The following PPDPFL variants were observed in gnomAD, a reference collection of about 807,000 sequenced individuals.
PPDPFL encodes pancreatic progenitor cell differentiation and proliferation factor like, also known as pancreatic progenitor cell differentiation and proliferation factor-like protein.
In PPDPFL, 12 loss-of-function variants were observed where a neutral mutation model predicts 12.6. That is an observed-to-expected ratio of 0.95 (90% CI 0.61 to 1.54). PPDPFL has a LOEUF of 1.54. PPDPFL is among the 40% of genes most tolerant of loss of function. PPDPFL has a pLI of 0.00. For missense variants in PPDPFL, 114 were observed against 96.0 expected (o/e 1.19, Z -0.78); for synonymous variants, 24 against 32.7 (o/e 0.73, Z 0.91).
At chr8:49,071,986 G>A (rs1217231465), upstream of PPDPFL, among the ~76,000 whole-genome samples, 1 of 152,204 alleles carries the variant, frequency 6.6e-6, no homozygotes, top group Non-Finnish European at 1.5e-5. Context: ...CAGATAGCAG[G>A]CTGCTTGTAC....
At chr8:49,055,573 C>G (rs1808100195) in intron 1 of PPDPFL, among the ~76,000 whole-genome samples, 1 of 152,042 alleles carries the variant, frequency 6.6e-6, no homozygotes, top group African/African-American at 2.4e-5. Context: ...TGGTAATTTC[C>G]AGGACTTATA....
intron 1 of PPDPFL, among the ~76,000 whole-genome samples, chr8:49,058,674 G>C (rs1277565488): frequency 1.3e-5 from 2 of 152,188 alleles, no homozygotes; most frequent in African/African-American, 4.8e-5. Context: ...TCAGCGAAAA[G>C]TTTTATAATT....
intron 2 of PPDPFL, among the ~76,000 whole-genome samples, chr8:49,073,401 A>G (rs376508517): frequency 2.7e-4 from 41 of 152,328 alleles, no homozygotes; most frequent in East Asian, 1.9e-3. Context: ...AATTTCATAA[A>G]ATAAAATAAG....
intron 3 of PPDPFL, 31 bp from the exon 4 acceptor site, chr8:49,074,203 G>A: frequency 6.2e-7 from 1 of 1,606,066 alleles, no homozygotes; most frequent in Non-Finnish European, 8.5e-7. Flanking sequence ...AAATTTGTTT[G>A]ATAAGGAGTA....
At position 49,075,953 on chromosome 8, in the gene PPDPFL, GC is replaced by G. The variant is rs1266154407; in HGVS notation, c.*781del. On this transcript the variant is annotated 3_prime_UTR_variant, in exon 5 of 5. Transcript: ENST00000522267. ...AGACTGGAAGGAACTGTACCAAAAT[GC>G]TGACAGGGCTATTTCTGGAGATGGG... 6.6e-6 allele frequency: 1 copy of G among 152,128 alleles called. No homozygotes were observed. The highest frequency in any genetic ancestry group is 2.4e-5 in the African/African-American group (1 of 41,442). The allele number at this position is 152,128 out of a possible 1,614,324, so 9.4% of individuals were successfully genotyped here. A position where few individuals can be genotyped will look rare whatever the true frequency, so the allele number is the denominator to read the frequency against.
chr8:49,066,527 T>C (rs1226595457), intron 1 of PPDPFL, among the ~76,000 whole-genome samples: 1 of 152,118 alleles, frequency 6.6e-6, no homozygotes, highest in Non-Finnish European at 1.5e-5. Flanking sequence ...TCACGTAATA[T>C]GGGTTGAAAA....
chr8:49,054,721 G>C (rs1438727116), intron 1 of PPDPFL, among the ~76,000 whole-genome samples: 2 of 74,528 alleles, frequency 2.7e-5, no homozygotes, highest in African/African-American at 7.2e-5. Context: ...CACAGTGGGA[G>C]GAAATTAAAG....
chr8:49,062,878 C>A (rs938069312), intron 1 of PPDPFL, among the ~76,000 whole-genome samples: 1 of 152,116 alleles, frequency 6.6e-6, no homozygotes. Context: ...GTTTCTGGAT[C>A]TTATTAGACA....
At chr8:49,063,559 A>G (rs780306304) in intron 1 of PPDPFL, among the ~76,000 whole-genome samples, 5 of 152,084 alleles carry the variant, frequency 3.3e-5, no homozygotes, top group Non-Finnish European at 5.9e-5. Flanking sequence ...GTCTCTACAA[A>G]AAATACAAAA....
intron 4 of PPDPFL, 32 bp downstream of exon 4, chr8:49,074,365 T>A (rs1484796885): frequency 2.5e-6 from 4 of 1,600,750 alleles, no homozygotes; most frequent in South Asian, 1.1e-5. Context: ...TAAGGGCAGT[T>A]CTTACTTAGT....
At chr8:49,067,940 C>T (rs140699307), upstream of PPDPFL, among the ~76,000 whole-genome samples, 128 of 152,128 alleles carry the variant, frequency 8.4e-4, no homozygotes, top group African/African-American at 2.9e-3. Context: ...ACTTGCTGAG[C>T]ATGTGATTGT....
At chr8:49,067,421 G>A (rs1372072902), upstream of PPDPFL, among the ~76,000 whole-genome samples, 1 of 152,112 alleles carries the variant, frequency 6.6e-6, no homozygotes, top group Admixed American at 6.5e-5. Context: ...CATCTTACAT[G>A]GACAATCAGA....
chr8:49,072,811 G>A lies in PPDPFL; in HGVS notation c.-20G>A. On this transcript the variant is annotated 5_prime_UTR_variant, in exon 2 of 5. Transcript: ENST00000522267. ...GATTAATGCTCACAGCTTCTTGGGT[G>A]CTTTCTCACGGGTAAAGCCATGGCA... The A allele has an allele frequency of 6.3e-7, 1 of 1,589,692 alleles. No homozygotes were observed. Among genetic ancestry groups the A allele is most frequent in the African/African-American group, 1.4e-5 (1 of 73,430 alleles).
upstream of PPDPFL, among the ~76,000 whole-genome samples, chr8:49,070,618 G>T (rs543744223): frequency 6.6e-6 from 1 of 152,244 alleles, no homozygotes; most frequent in African/African-American, 2.4e-5. Context: ...GTAGACAAAG[G>T]TGTAGCAAAA....
At chr8:49,068,617 G>A (rs1453365570), upstream of PPDPFL, among the ~76,000 whole-genome samples, 1 of 151,874 alleles carries the variant, frequency 6.6e-6, no homozygotes, top group Non-Finnish European at 1.5e-5. Flanking sequence ...ATTTAAATAG[G>A]TAAATACATA....
intron 1 of PPDPFL, among the ~76,000 whole-genome samples, chr8:49,066,490 A>G (rs750342931): frequency 4.6e-5 from 7 of 152,144 alleles, no homozygotes; most frequent in Non-Finnish European, 1.0e-4. Context: ...CAGAAGTGCA[A>G]TAGCTCTCAG....
At chr8:49,062,384 G>C (rs757773961) in intron 1 of PPDPFL, among the ~76,000 whole-genome samples, 8 of 152,208 alleles carry the variant, frequency 5.3e-5, no homozygotes, top group Non-Finnish European at 1.0e-4. Flanking sequence ...TACTACAGAA[G>C]GTGGTTGAAG....
intron 1 of PPDPFL, among the ~76,000 whole-genome samples, chr8:49,058,847 A>G (rs1585669577): frequency 6.6e-6 from 1 of 152,214 alleles, no homozygotes; most frequent in South Asian, 2.1e-4. Flanking sequence ...GCTGAGCGCC[A>G]CCTCCACCCA....
At chr8:49,072,960 G>A (rs1188605000) in intron 2 of PPDPFL, 75 bp downstream of exon 2, 1 of 1,292,434 alleles carries the variant, frequency 7.7e-7, no homozygotes, top group Non-Finnish European at 1.1e-6. Context: ...TGTTAACACA[G>A]GTATCATGTT....
Sources: gnomAD v4.1 joint callset for allele counts (sites outside exome capture counted in the v4.1 genomes callset) on GRCh38, gnomAD v4.1.1 for gene constraint, MANE v1.5 for transcripts, NCBI Gene and HGNC (gene_info 2026-07-23, HGNC 2026-07-21) for gene names.